Variants in CSMD1 observed in about 807,000 individuals in gnomAD.
The protein encoded by CSMD1 is CUB and Sushi multiple domains 1.
In CSMD1, 213 loss-of-function variants were observed where a neutral mutation model predicts 417.5. The ratio of observed to expected loss-of-function variants is 0.51; its 90% confidence interval spans 0.46 to 0.57. The LOEUF (loss-of-function observed/expected upper bound fraction) is 0.57. Ranked by LOEUF, CSMD1 falls within the 20% of genes least tolerant of loss-of-function variation. CSMD1 has a pLI of 0.00. For synonymous variants in CSMD1, 2,862 were observed against 1,736.8 expected (o/e 1.65, Z -16.11); for missense variants, 6,923 against 4,529.7 (o/e 1.53, Z -15.17).
At chr8:4,903,020 TA>T (rs1453781721) in intron 1 of CSMD1, among the ~76,000 whole-genome samples, 6 of 44,626 alleles carry the variant, frequency 1.3e-4, no homozygotes, top group African/African-American at 2.7e-4. Context: ...AATAAATAAA[TA>T]AATAAATAAA....
chr8:4,964,982 T>A (rs1329845328), intron 1 of CSMD1, among the ~76,000 whole-genome samples: 1 of 152,174 alleles, frequency 6.6e-6, no homozygotes, highest in Non-Finnish European at 1.5e-5. Flanking sequence ...TCCTTTTGCT[T>A]TGGGTCACTT....
rs1159645439 is a variant in CSMD1 at position 4,849,339 on chromosome 8, A to G, written c.85+144993T>C. On this transcript the variant is annotated intron_variant, in intron 1 of 69. Coordinates refer to ENST00000635120, the MANE Select transcript of CSMD1 (RefSeq NM_033225.6). ...AAAGTTTATAAAGAAAAAAGTAATA[A>G]GGTGAAGTTAATTTAATAAACTGAA... 2.0e-5 allele frequency among the ~76,000 whole-genome samples: 3 copies of G among 152,106 alleles called. No individual in the cohort carries two copies. In the East Asian group the frequency reaches 5.8e-4, roughly 29 times the overall value.
intron 5 of CSMD1, among the ~76,000 whole-genome samples, chr8:3,806,513 C>A (rs1211587033): frequency 1.3e-5 from 2 of 152,170 alleles, no homozygotes; most frequent in African/African-American, 4.8e-5. Context: ...AGCCACGGTG[C>A]TCTGTGCTTT....
intron 26 of CSMD1, among the ~76,000 whole-genome samples, chr8:3,276,624 G>C (rs1042494317): frequency 6.6e-6 from 1 of 152,112 alleles, no homozygotes; most frequent in African/African-American, 2.4e-5. Context: ...TTCAAGATAA[G>C]TTTTGGGTGG....
At chr8:4,015,165 A>T (rs1008975883) in intron 4 of CSMD1, among the ~76,000 whole-genome samples, 3 of 152,182 alleles carry the variant, frequency 2.0e-5, no homozygotes, top group African/African-American at 7.2e-5. Flanking sequence ...CTTATATAAA[A>T]ACTGTCCCAT....
chr8:4,904,643 A>G (rs1395899581), intron 1 of CSMD1, among the ~76,000 whole-genome samples: 1 of 152,218 alleles, frequency 6.6e-6, no homozygotes, highest in Non-Finnish European at 1.5e-5. Context: ...CAAGTCAACC[A>G]GAAGTTCAAG....
intron 3 of CSMD1, among the ~76,000 whole-genome samples, chr8:4,387,852 C>T (rs1387270824): frequency 6.6e-6 from 1 of 152,004 alleles, no homozygotes; most frequent in African/African-American, 2.4e-5. Context: ...TGACAGCTGT[C>T]AACAAATATT....
At chr8:3,005,108 C>A (rs911164889) in intron 52 of CSMD1, among the ~76,000 whole-genome samples, 1 of 152,122 alleles carries the variant, frequency 6.6e-6, no homozygotes, top group East Asian at 1.9e-4. Context: ...CACTGCACTC[C>A]AGCCTGGACG....
At chr8:3,738,059 C>G (rs1251165944) in intron 6 of CSMD1, among the ~76,000 whole-genome samples, 2 of 152,176 alleles carry the variant, frequency 1.3e-5, no homozygotes, top group Non-Finnish European at 2.9e-5. Context: ...GTTTCAAACA[C>G]TAATGTAAAT....
intron 3 of CSMD1, among the ~76,000 whole-genome samples, chr8:4,064,443 T>C (rs1330790772): frequency 6.6e-6 from 1 of 152,178 alleles, no homozygotes; most frequent in East Asian, 1.9e-4. Context: ...TTTGCCCAAG[T>C]TTTAAATTTT....
chr8:3,273,011 G>C (rs1027766240), intron 26 of CSMD1, among the ~76,000 whole-genome samples: 1 of 151,314 alleles, frequency 6.6e-6, no homozygotes, highest in East Asian at 1.9e-4. Flanking sequence ...TCTTGTGCCA[G>C]TCTTCAAAGG....
At chr8:4,357,292 T>G (rs181995672) in intron 3 of CSMD1, among the ~76,000 whole-genome samples, 1 of 152,322 alleles carries the variant, frequency 6.6e-6, no homozygotes, top group Admixed American at 6.5e-5. Context: ...CATCTGGCCA[T>G]TGTGCTTTCT....
intron 2 of CSMD1, among the ~76,000 whole-genome samples, chr8:4,484,424 G>A (rs561867758): frequency 1.7e-4 from 26 of 152,250 alleles, no homozygotes; most frequent in African/African-American, 5.8e-4. Flanking sequence ...AAGACACAGA[G>A]AGGGATGGGG....
chr8:3,875,698 G>T (rs904741523), intron 5 of CSMD1, among the ~76,000 whole-genome samples: 1 of 152,174 alleles, frequency 6.6e-6, no homozygotes, highest in Non-Finnish European at 1.5e-5. Flanking sequence ...GGTCTAGGGA[G>T]GGGGCAGAAT....
intron 2 of CSMD1, among the ~76,000 whole-genome samples, chr8:4,462,410 C>A (rs1488845711): frequency 1.3e-5 from 2 of 151,970 alleles, no homozygotes; most frequent in Non-Finnish European, 2.9e-5. Context: ...GATAAGATGG[C>A]AATACTCCCC....
intron 21 of CSMD1, among the ~76,000 whole-genome samples, chr8:3,350,249 TTATAA>T (rs1808328424): frequency 7.0e-6 from 1 of 141,972 alleles, no homozygotes; most frequent in African/African-American, 2.5e-5. Context: ...TATGTGTGTG[TTATAA>T]TACCTATAAT....
At chr8:3,176,815 G>C (rs756135575) in intron 37 of CSMD1, among the ~76,000 whole-genome samples, 1 of 142,676 alleles carries the variant, frequency 7.0e-6, no homozygotes, top group African/African-American at 2.6e-5. Context: ...GTCTTGCTCT[G>C]TCTCCCAGGC....
intron 6 of CSMD1, among the ~76,000 whole-genome samples, chr8:3,720,696 G>T (rs1283237562): frequency 6.6e-6 from 1 of 151,270 alleles, no homozygotes. Flanking sequence ...AAGCTTAAAT[G>T]ATACCTAGTT....
At chr8:3,854,060 T>A (rs1804118151) in intron 5 of CSMD1, among the ~76,000 whole-genome samples, 1 of 146,064 alleles carries the variant, frequency 6.8e-6, no homozygotes, top group African/African-American at 2.5e-5. Context: ...ATATGTATAT[T>A]ATATTTAGCA....
Sources: allele counts gnomAD v4.1 joint callset (sites outside exome capture counted in the v4.1 genomes callset), GRCh38; gene constraint gnomAD v4.1.1; transcripts MANE v1.5; gene names NCBI Gene and HGNC (gene_info 2026-07-23, HGNC 2026-07-21).